NCKAP5: variants seen among roughly 807,000 people sequenced by gnomAD.
NCKAP5 encodes NCK associated protein 5.
A neutral mutation model predicts 167.0 loss-of-function variants in NCKAP5; 92 were observed. The observed-to-expected ratio is 0.55, with a 90% CI of 0.47 to 0.66. The LOEUF (loss-of-function observed/expected upper bound fraction) is 0.66, where lower values mean the gene tolerates loss of function less well. NCKAP5 is among the 30% of genes least tolerant of loss of function. The pLI is 0.00. For synonymous variants in NCKAP5, 891 were observed against 877.4 expected, an observed-to-expected ratio of 1.02 and a Z score of -0.27; for missense variants, 2,378 against 2,315.0, an observed-to-expected ratio of 1.03 and a Z score of -0.56.
chr2:133,215,086 C>G (rs190468064), intron 4 of NCKAP5, among the ~76,000 whole-genome samples: 2 of 152,198 alleles, frequency 1.3e-5, no homozygotes, highest in East Asian at 3.9e-4. Flanking sequence ...TCCAGGTATA[C>G]AAGTTTTGGG....
At chr2:133,543,247 C>T (rs13423249) in intron 2 of NCKAP5, among the ~76,000 whole-genome samples, 16,604 of 152,026 alleles carry the variant, frequency 0.11, 1,042 homozygotes, top group East Asian at 0.26. Context: ...TGTGATATAC[C>T]GGCTCCCCCT....
intron 6 of NCKAP5, among the ~76,000 whole-genome samples, chr2:133,016,075 G>C (rs1338240446): frequency 1.3e-5 from 2 of 148,408 alleles, no homozygotes; most frequent in African/African-American, 4.8e-5. Context: ...AGAGAGAAAA[G>C]AAATAGGAAG....
intron 19 of NCKAP5, among the ~76,000 whole-genome samples, chr2:132,723,080 C>A (rs75612485): frequency 2.1e-3 from 317 of 152,070 alleles, no homozygotes; most frequent in African/African-American, 7.4e-3. Context: ...TCTTGCCTTA[C>A]CGTCCCGAAG....
intron 8 of NCKAP5, among the ~76,000 whole-genome samples, chr2:132,957,564 A>C (rs2076380585): frequency 7.7e-6 from 1 of 129,378 alleles, no homozygotes; most frequent in South Asian, 2.2e-4. Context: ...TCAGAAGCCA[A>C]AGTTTTTCTC....
chr2:133,525,789 A>G (rs564350656), intron 2 of NCKAP5, among the ~76,000 whole-genome samples: 2 of 152,228 alleles, frequency 1.3e-5, no homozygotes, highest in South Asian at 4.2e-4. Context: ...TTGAGGCCTC[A>G]TCAAGCCAGC....
At chr2:133,266,599 CG>C (rs2089238743) in intron 4 of NCKAP5, among the ~76,000 whole-genome samples, 1 of 152,070 alleles carries the variant, frequency 6.6e-6, no homozygotes, top group Non-Finnish European at 1.5e-5. Flanking sequence ...GCCTTCACTT[CG>C]GGGGCAGCAA....
At chr2:133,268,612 A>G (rs1463528594) in intron 4 of NCKAP5, among the ~76,000 whole-genome samples, 1 of 150,800 alleles carries the variant, frequency 6.6e-6, no homozygotes, top group Non-Finnish European at 1.5e-5. Context: ...CCTCCTGAGT[A>G]GCTGGGACTA....
chr2:133,517,067 A>G (rs1013617885), intron 3 of NCKAP5, among the ~76,000 whole-genome samples: 9 of 152,224 alleles, frequency 5.9e-5, no homozygotes, highest in Admixed American at 2.6e-4. Context: ...CTGCTCTTCA[A>G]TATTTGAACC....
chr2:133,598,150 G>C, the NCKAP5 span, among the ~76,000 whole-genome samples: 1 of 152,198 alleles, frequency 6.6e-6, no homozygotes, highest in Admixed American at 6.5e-5. Context: ...CCTGTAATGA[G>C]GATGGTAAGA....
At chr2:133,514,401 C>G (rs946831997) in intron 3 of NCKAP5, among the ~76,000 whole-genome samples, 1 of 152,118 alleles carries the variant, frequency 6.6e-6, no homozygotes, top group African/African-American at 2.4e-5. Flanking sequence ...GACTAAGGAC[C>G]ACAAACTTGT....
At chr2:133,053,288 T>C (rs1329708159) in intron 6 of NCKAP5, among the ~76,000 whole-genome samples, 5 of 152,200 alleles carry the variant, frequency 3.3e-5, no homozygotes, top group Non-Finnish European at 1.5e-5. Context: ...AAAGATGCTG[T>C]CTCCTGGAGG....
chr2:133,362,326 A>C (rs1435531426), intron 3 of NCKAP5, among the ~76,000 whole-genome samples: 1 of 152,220 alleles, frequency 6.6e-6, no homozygotes, highest in Non-Finnish European at 1.5e-5. Flanking sequence ...CATAAATCCA[A>C]GTCTCAGCAA....
intron 8 of NCKAP5, among the ~76,000 whole-genome samples, chr2:132,961,441 G>A (rs2076508716): frequency 6.6e-6 from 1 of 151,870 alleles, no homozygotes; most frequent in South Asian, 2.1e-4. Flanking sequence ...AGATGTGAAG[G>A]CAAGGAGAAA....
chr2:133,643,507 A>G, the NCKAP5 span, among the ~76,000 whole-genome samples: 44 of 152,264 alleles, frequency 2.9e-4, no homozygotes, highest in African/African-American at 1.0e-3. Context: ...CATCTGTTTG[A>G]CATCCAGGCT....
At chr2:133,594,235 C>T in the NCKAP5 span, among the ~76,000 whole-genome samples, 4 of 152,196 alleles carry the variant, frequency 2.6e-5, no homozygotes, top group African/African-American at 4.8e-5. Context: ...GTTACCATCT[C>T]CACCACAGTG....
chr2:133,134,867 T>C (rs538546903), intron 5 of NCKAP5, among the ~76,000 whole-genome samples: 1 of 152,310 alleles, frequency 6.6e-6, no homozygotes, highest in South Asian at 2.1e-4. Context: ...TCCAAGGAAA[T>C]GAAGCAAAAT....
At chr2:133,187,344 T>G (rs1399406403) in intron 5 of NCKAP5, among the ~76,000 whole-genome samples, 3 of 152,012 alleles carry the variant, frequency 2.0e-5, no homozygotes, top group South Asian at 2.1e-4. Flanking sequence ...TTTTAAAAAT[T>G]TATTGATACT....
intron 7 of NCKAP5, among the ~76,000 whole-genome samples, chr2:132,980,270 G>C (rs2077094758): frequency 1.3e-5 from 2 of 151,984 alleles, no homozygotes; most frequent in African/African-American, 4.8e-5. Context: ...GGGATTACAG[G>C]TGTGAGCCAC....
At chr2:133,385,607 G>A (rs1247595528) in intron 3 of NCKAP5, among the ~76,000 whole-genome samples, 1 of 152,176 alleles carries the variant, frequency 6.6e-6, no homozygotes, top group Non-Finnish European at 1.5e-5. Context: ...GATTGGAATA[G>A]TTTCAGAAGG....
Sources: allele counts gnomAD v4.1 joint callset (sites outside exome capture counted in the v4.1 genomes callset), GRCh38; gene constraint gnomAD v4.1.1; transcripts MANE v1.5; gene names NCBI Gene and HGNC (gene_info 2026-07-23, HGNC 2026-07-21).